The following ESPL1 variants were observed in gnomAD, a reference collection of about 807,000 sequenced individuals.
The protein encoded by ESPL1 is separin.
In ESPL1, 50 loss-of-function variants were observed where a neutral mutation model predicts 217.2. The ratio of observed to expected loss-of-function variants is 0.23; its 90% CI spans 0.18 to 0.29. The LOEUF (loss-of-function observed/expected upper bound fraction) is 0.29, where lower values mean the gene tolerates loss of function less well. ESPL1 is among the 10% of genes least tolerant of loss of function. ESPL1 has a pLI of 1.00. For missense variants in ESPL1, 1,834 were observed against 2,603.0 expected, an observed-to-expected ratio of 0.70 and a Z score of 6.43; for synonymous variants, 994 against 1,081.3, an observed-to-expected ratio of 0.92 and a Z score of 1.58.
rs758452017 is a variant in ESPL1 at position 53,293,054 on chromosome 12, C to T, written c.6161+84C>T. 14 of 1,350,598 alleles carry T rather than the reference C, an allele frequency of 1.0e-5. No homozygotes were observed. Among genetic ancestry groups the T allele is most frequent in the Non-Finnish European group, 1.3e-5 (13 of 979,972 alleles). 83.7% of individuals were successfully genotyped at this position (1,350,598 alleles called of 1,614,324 possible). A position where few individuals can be genotyped will look rare whatever the true frequency, so the allele number is the denominator to read the frequency against. ...GTTCTTTCCCAGGTCTGAATCTTGC[C>T]TCTCTTGTGCCCCATTTTCCTCCTA... On this transcript the variant is annotated intron_variant, in intron 30 of 30. Coordinates refer to ENST00000257934, the MANE Select transcript of ESPL1 (RefSeq NM_012291.5). The surrounding 1 kb of genome is among the most constrained non-coding windows in gnomAD (Gnocchi z 4.2).
chr12:53,291,772 G>A lies in ESPL1; in HGVS notation c.5603G>A (p.Arg1868Gln), dbSNP rs1176928903. 4.3e-6 allele frequency: 7 copies of A among 1,611,662 alleles called. No individual in the cohort carries two copies. Among genetic ancestry groups the A allele is most frequent in the Admixed American group, 1.7e-5 (1 of 59,290 alleles). ...AYGLCPTQPERAQELLNEAVG... is the reference protein window; with the variant it reads ...AYGLCPTQPEQAQELLNEAVG... ...GGGCTGTGCCCAACCCAGCCAGAGC[G>A]AGCCCAGGAGCTCCTGAATGAGGCA... The change falls in exon 26 of 31, where the codon CGA becomes CAA. Residue 1868 changes from arginine to glutamine, a missense_variant. Arg to Gln is a conservative substitution (Grantham distance 43). Around this residue, in one of 5 missense-constraint regions of ESPL1, gnomAD observed 295 missense variants for 519.8 expected, o/e 0.57. Coordinates refer to ENST00000257934, the MANE Select transcript of ESPL1 (RefSeq NM_012291.5).
In ESPL1 at chr12:53,290,206, G is replaced by A. The variant is rs756692566; in HGVS notation, c.5235G>A (p.Gln1745=). 1 of 1,614,086 alleles carries A rather than the reference G, an allele frequency of 6.2e-7. No homozygotes were observed. The highest frequency in any genetic ancestry group is 1.1e-5 in the South Asian group (1 of 91,082). Residue 1745 remains glutamine, a synonymous_variant, in exon 23 of 31, where the codon CAG becomes CAA. Coordinates refer to ENST00000257934, the MANE Select transcript of ESPL1 (RefSeq NM_012291.5). ...TCAGTGTGCAGATTCCCACTGGCCAGAACAAGGTAGGATTCCTGGGCCATG... is the reference window on the plus strand; with the variant it reads ...TCAGTGTGCAGATTCCCACTGGCCAAAACAAGGTAGGATTCCTGGGCCATG... ...PPVSVQIPTG[Q]NKLHLRSVLN...
chr12:53,272,988 G>A (rs1943702356), intron 6 of ESPL1, 131 bp downstream of exon 6: 1 of 858,944 alleles, frequency 1.2e-6, no homozygotes, highest in Non-Finnish European at 1.8e-6. Context: ...AGTATCTGGA[G>A]CAGTGTTTCC....
intron 25 of ESPL1, 70 bp downstream of exon 25, chr12:53,291,066 G>T: frequency 7.3e-7 from 1 of 1,375,900 alleles, no homozygotes; most frequent in Non-Finnish European, 9.9e-7. Context: ...ACTTTGGGAG[G>T]CCAAGGCAGA....
intron 5 of ESPL1, among the ~76,000 whole-genome samples, chr12:53,271,215 C>G (rs11614894): frequency 7.9e-6 from 1 of 126,366 alleles, no homozygotes; most frequent in Non-Finnish European, 1.6e-5. Context: ...GCTCTGTCAC[C>G]TAGGCTGGAG....
chr12:53,293,437 C>T lies in ESPL1; in HGVS notation c.6326C>T (p.Ala2109Val). 1 of 1,614,160 alleles carries T rather than the reference C, an allele frequency of 6.2e-7. No individual in the cohort carries two copies. Among genetic ancestry groups the T allele is most frequent in the Non-Finnish European group, 8.5e-7 (1 of 1,180,014 alleles). The change falls in exon 31 of 31, where the codon GCA (alanine) becomes GTA (valine). Residue 2109 changes from alanine (A) to valine (V), a missense_variant. Around this residue, in one of 5 missense-constraint regions of ESPL1, gnomAD observed 295 missense variants for 519.8 expected, o/e 0.57. Transcript: ENST00000257934. This position sits in a 1 kb window ranked among gnomAD's most constrained non-coding sequence, Gnocchi z 4.2. ...APRLKYLIGA[A>V]PIAYGLPVSL... ...CGACTCAAGTATCTTATTGGGGCTG[C>T]ACCTATAGCCTATGGCTTGCCTGTC...
chr12:53,272,619 T>G, intron 5 of ESPL1, 102 bp from the exon 6 acceptor site: 1 of 1,376,088 alleles, frequency 7.3e-7, no homozygotes, highest in East Asian at 2.3e-5. Flanking sequence ...ATCTGGAAGC[T>G]GCTGAACTGA....
intron 10 of ESPL1, 77 bp from the exon 11 acceptor site, chr12:53,277,744 A>C: frequency 6.3e-7 from 1 of 1,586,044 alleles, no homozygotes; most frequent in Non-Finnish European, 8.6e-7. Context: ...TAAAGGGCAG[A>C]GGATGTTATG....
At chr12:53,285,010 CAAAAAAAAAA>C (rs546915854) in intron 17 of ESPL1, among the ~76,000 whole-genome samples, 1 of 100,504 alleles carries the variant, frequency 9.9e-6, no homozygotes, top group African/African-American at 3.7e-5. Context: ...GACTCTGACT[CAAAAAAAAAA>C]AAAAAAAGAA....
At position 53,270,388 on chromosome 12, in the gene ESPL1, G is replaced by C; in HGVS notation, c.1154G>C (p.Gly385Ala). 1 of 1,611,364 alleles carries C rather than the reference G, an allele frequency of 6.2e-7. No individual in the cohort carries two copies. The highest frequency in any genetic ancestry group is 8.5e-7 in the Non-Finnish European group (1 of 1,177,554). Reference sequence around the variant, plus strand: ...CGCTTCCTTCCTCAGGTGTATGGGGGCTCCTCCAAGCAACAGCAGTCTTTT... The same window carrying C: ...CGCTTCCTTCCTCAGGTGTATGGGGCCTCCTCCAAGCAACAGCAGTCTTTT... ...QQLRDDGVYG[G>A]SSKQQQSFLQ... is the part of the protein sequence containing the mutation. The change falls in exon 4 of 31, where the codon GGC (glycine) becomes GCC (alanine). Residue 385 changes from glycine (G) to alanine (A), a missense_variant. By Grantham distance (60) the Gly-to-Ala change is moderately conservative (BLOSUM62 0). Transcript: ENST00000257934.
intron 11 of ESPL1, 74 bp downstream of exon 11, chr12:53,278,034 G>C: frequency 6.8e-7 from 1 of 1,480,634 alleles, no homozygotes; most frequent in African/African-American, 1.4e-5. Flanking sequence ...CGCCTTCTTT[G>C]GCCTGTGATC....
Position 53,288,715 on chromosome 12 carries a change from C to T in ESPL1, c.4708+16C>T. 1 of 1,600,828 alleles carries T rather than the reference C, an allele frequency of 6.2e-7. No homozygotes were observed. Among genetic ancestry groups the T allele is most frequent in the Non-Finnish European group, 8.5e-7 (1 of 1,174,630 alleles). Reference sequence around the variant, plus strand: ...GTAGCCACTGGTGAATATGCGACCCCTGATGTTGGTCACTTGGAGAGGGCT... The same window carrying T: ...GTAGCCACTGGTGAATATGCGACCCTTGATGTTGGTCACTTGGAGAGGGCT... On this transcript the variant is annotated intron_variant, in intron 20 of 30. Transcript: ENST00000257934.
chr12:53,283,190 C>T lies in ESPL1; in HGVS notation c.2853C>T (p.Leu951=). The T allele has an allele frequency of 1.2e-6, 2 of 1,614,056 alleles. No homozygotes were observed. The highest frequency in any genetic ancestry group is 2.2e-5 in the South Asian group (2 of 91,090). ...ATAAGCTCCTCCGAAGCATCATCCT[C>T]CTGCTGATGGGCAGTGACATTCTCT... is the stretch of plus-strand genomic sequence containing the variant. The part of the protein sequence containing the change: ...DSHKLLRSII[L]LLMGSDILST... The change falls in exon 15 of 31, where the codon CTC becomes CTT. Residue 951 remains leucine, a synonymous_variant. Coordinates refer to ENST00000257934, the MANE Select transcript of ESPL1 (RefSeq NM_012291.5).
chr12:53,276,527 A>G lies in ESPL1; in HGVS notation c.1701-93A>G. On this transcript the variant is annotated intron_variant, in intron 7 of 30. Transcript: ENST00000257934. ...AGCCATGACTGGAAACCTACTGAGC[A>G]AGCCAAGGCTGGGGCTCCTCAGCAT... 3 of 1,391,504 alleles carry G rather than the reference A, an allele frequency of 2.2e-6. No individual in the cohort carries two copies. The South Asian group carries it at 4.4e-5, about 21-fold the overall frequency. 86.2% of individuals were successfully genotyped at this position (1,391,504 alleles called of 1,614,324 possible). A position where few individuals can be genotyped will look rare whatever the true frequency, so the allele number is the denominator to read the frequency against.
At chr12:53,277,439 C>A in intron 9 of ESPL1, 31 bp from the exon 10 acceptor site, 2 of 1,607,884 alleles carry the variant, frequency 1.2e-6, no homozygotes, top group African/African-American at 1.3e-5. Flanking sequence ...CACCACTGTG[C>A]CCTGTTTTAT....
At chr12:53,288,897 G>A in intron 20 of ESPL1, 193 bp from the exon 21 acceptor site, 1 of 705,084 alleles carries the variant, frequency 1.4e-6, no homozygotes, top group South Asian at 1.9e-5. Flanking sequence ...GTAAAAATGG[G>A]GTTTAGGGAG....
At position 53,291,994 on chromosome 12, in the gene ESPL1, A is replaced by C. The variant is rs1944068093; in HGVS notation, c.5702A>C (p.Lys1901Thr). Residue 1901 changes from lysine (K) to threonine (T), a missense_variant, in exon 27 of 31, where the codon AAG (lysine) becomes ACG (threonine). By Grantham distance (78) the Lys-to-Thr change is moderately conservative. This residue lies in a region of ESPL1 where 295 missense variants were observed against 519.8 expected (regional missense o/e 0.57). Coordinates refer to ENST00000257934, the MANE Select transcript of ESPL1 (RefSeq NM_012291.5). The part of the protein sequence containing the change: ...LVLVLDKDLQ[K>T]LPWESMPSLQ... Reference sequence around the variant, plus strand: ...GTGCTTTTTGCCCAGGACTTGCAGAAGCTGCCGTGGGAAAGCATGCCCAGC... The same window carrying C: ...GTGCTTTTTGCCCAGGACTTGCAGACGCTGCCGTGGGAAAGCATGCCCAGC... The C allele has an allele frequency of 1.9e-6, 3 of 1,613,912 alleles. No individual in the cohort carries two copies. Among genetic ancestry groups the C allele is most frequent in the Non-Finnish European group, 2.5e-6 (3 of 1,179,964 alleles).
chr12:53,271,432 G>T (rs1943672835), intron 5 of ESPL1, among the ~76,000 whole-genome samples: 1 of 151,966 alleles, frequency 6.6e-6, no homozygotes, highest in Non-Finnish European at 1.5e-5. Flanking sequence ...ATATTGTCCA[G>T]GCTGGTCTTG....
chr12:53,273,398 C>T (rs1042414743), intron 6 of ESPL1, among the ~76,000 whole-genome samples: 4 of 152,086 alleles, frequency 2.6e-5, no homozygotes, highest in Non-Finnish European at 5.9e-5. Flanking sequence ...AGCCAAGCTG[C>T]ACATTAGAAT....
Sources: allele counts gnomAD v4.1 joint callset (sites outside exome capture counted in the v4.1 genomes callset), GRCh38; gene constraint gnomAD v4.1.1; regional missense constraint gnomAD v4.1.1; non-coding constraint Gnocchi (gnomAD v3.1); transcripts MANE v1.5; gene names NCBI Gene and HGNC (gene_info 2026-07-23, HGNC 2026-07-21).